CNTNAP4: variants seen among roughly 807,000 people sequenced by gnomAD.
The protein encoded by CNTNAP4 is contactin associated protein family member 4.
In CNTNAP4, 98 loss-of-function variants were observed where a neutral mutation model predicts 148.4. That is an observed-to-expected ratio of 0.66 (90% CI 0.56 to 0.78). The LOEUF (loss-of-function observed/expected upper bound fraction) is 0.78, where lower values mean the gene tolerates loss of function less well. Ranked by LOEUF, CNTNAP4 falls within the 30% of genes least tolerant of loss-of-function variation. CNTNAP4 has a pLI of 0.00. For synonymous variants in CNTNAP4, 730 were observed against 565.1 expected (o/e 1.29, Z -4.14); for missense variants, 1,935 against 1,565.6 (o/e 1.24, Z -3.98).
At chr16:76,372,012 G>A (rs2144634231) in intron 3 of CNTNAP4, among the ~76,000 whole-genome samples, 1 of 152,206 alleles carries the variant, frequency 6.6e-6, no homozygotes, top group Admixed American at 6.5e-5. Flanking sequence ...TATTTCCAGG[G>A]AGTCTCTGCA....
At chr16:76,395,270 CT>C (rs35763868) in intron 3 of CNTNAP4, among the ~76,000 whole-genome samples, 147 of 145,332 alleles carry the variant, frequency 1.0e-3, no homozygotes, top group African/African-American at 1.3e-3. Flanking sequence ...GCCAAAGATT[CT>C]TTTTTTTTTT....
chr16:76,350,205 G>T (rs1000730738), intron 2 of CNTNAP4, among the ~76,000 whole-genome samples: 1 of 152,046 alleles, frequency 6.6e-6, no homozygotes, highest in African/African-American at 2.4e-5. Flanking sequence ...CAGGGGTAAA[G>T]AATGAAAAAT....
intron 3 of CNTNAP4, among the ~76,000 whole-genome samples, chr16:76,380,664 T>A (rs982760288): frequency 6.6e-6 from 1 of 152,218 alleles, no homozygotes; most frequent in Non-Finnish European, 1.5e-5. Context: ...TTTTTTTATT[T>A]GTAAGTAGCG....
chr16:76,315,530 T>A (rs1401420881), intron 1 of CNTNAP4, among the ~76,000 whole-genome samples: 1 of 152,216 alleles, frequency 6.6e-6, no homozygotes, highest in Non-Finnish European at 1.5e-5. Flanking sequence ...TAGTATCCTT[T>A]TGTAGTCCCA....
intron 3 of CNTNAP4, among the ~76,000 whole-genome samples, chr16:76,417,812 G>C (rs996139739): frequency 5.9e-5 from 9 of 151,530 alleles, no homozygotes; most frequent in Non-Finnish European, 1.3e-4. Context: ...CTCAGTTTTT[G>C]TTTGCCTGAG....
At chr16:76,309,854 C>T (rs1193748391) in intron 1 of CNTNAP4, 3 of 701,086 alleles carry the variant, frequency 4.3e-6, no homozygotes, top group African/African-American at 3.5e-5. Flanking sequence ...GCTGCTTCCT[C>T]ATTTTCTCTT....
intron 10 of CNTNAP4, among the ~76,000 whole-genome samples, chr16:76,470,412 G>A (rs200780947): frequency 2.0e-5 from 3 of 149,498 alleles, no homozygotes; most frequent in East Asian, 2.0e-4. Flanking sequence ...AGGCCAAGAC[G>A]GGTGGATCAC....
At chr16:76,411,234 G>A (rs758480090) in intron 3 of CNTNAP4, among the ~76,000 whole-genome samples, 3 of 151,256 alleles carry the variant, frequency 2.0e-5, no homozygotes, top group Non-Finnish European at 4.4e-5. Flanking sequence ...AGAAATGTTG[G>A]TTGATTGCGA....
chr16:76,527,799 C>A (rs1404789527), intron 17 of CNTNAP4, among the ~76,000 whole-genome samples: 3 of 152,152 alleles, frequency 2.0e-5, no homozygotes, highest in Admixed American at 2.0e-4. Flanking sequence ...ATTACAGTAA[C>A]CTTTTTACTA....
chr16:76,307,539 T>TATATATAC (rs558814796), intron 1 of CNTNAP4, among the ~76,000 whole-genome samples: 7,124 of 118,576 alleles, frequency 0.06, 775 homozygotes, highest in East Asian at 0.14. Flanking sequence ...TATATATATA[T>TATATATAC]ACCAAACTCC....
At chr16:76,371,145 AG>A (rs1458063126) in intron 3 of CNTNAP4, among the ~76,000 whole-genome samples, 1 of 152,228 alleles carries the variant, frequency 6.6e-6, no homozygotes, top group Non-Finnish European at 1.5e-5. Context: ...TTCAAAACAT[AG>A]ATTTGCTTTC....
intron 15 of CNTNAP4, among the ~76,000 whole-genome samples, chr16:76,520,095 A>C (rs2083398502): frequency 6.6e-6 from 1 of 152,132 alleles, no homozygotes; most frequent in South Asian, 2.1e-4. Flanking sequence ...CCATGTAGGT[A>C]ATGTGTGTAG....
At chr16:76,435,352 A>G (rs2079784519) in intron 4 of CNTNAP4, among the ~76,000 whole-genome samples, 1 of 152,178 alleles carries the variant, frequency 6.6e-6, no homozygotes, top group Admixed American at 6.5e-5. Flanking sequence ...CCAGAGCTCT[A>G]TACAAGTCAG....
chr16:76,353,358 T>C (rs1038602319), intron 2 of CNTNAP4, among the ~76,000 whole-genome samples: 1 of 152,218 alleles, frequency 6.6e-6, no homozygotes, highest in Non-Finnish European at 1.5e-5. Flanking sequence ...TTAAAAAGAA[T>C]TTCAACTTAC....
chr16:76,384,574 G>T (rs2144723255), intron 3 of CNTNAP4, among the ~76,000 whole-genome samples: 1 of 152,250 alleles, frequency 6.6e-6, no homozygotes, highest in African/African-American at 2.4e-5. Context: ...CACTTGGAGA[G>T]TGTGGGATGG....
chr16:76,411,766 A>G (rs984422790), intron 3 of CNTNAP4, among the ~76,000 whole-genome samples: 3 of 151,526 alleles, frequency 2.0e-5, no homozygotes, highest in South Asian at 2.1e-4. Flanking sequence ...CCAAGGACCT[A>G]TTTCTTTTTC....
chr16:76,344,886 AT>A (rs1964777791), intron 2 of CNTNAP4, among the ~76,000 whole-genome samples: 1 of 152,204 alleles, frequency 6.6e-6, no homozygotes, highest in Non-Finnish European at 1.5e-5. Flanking sequence ...ATGTACTCAT[AT>A]GATGTCATGG....
chr16:76,496,084 G>GT lies in CNTNAP4; in HGVS notation c.2237+1020dup, dbSNP rs1450462999. ...GTTATATCATAAACATCAAGATTAT[G>GT]TTGTGTGTGTGTGTGTGTGTGTGCG... On this transcript the variant is annotated intron_variant, in intron 14 of 23. Coordinates refer to ENST00000611870, the MANE Select transcript of CNTNAP4 (RefSeq NM_033401.5). 1.4e-4 allele frequency among the ~76,000 whole-genome samples: 5 copies of GT among 34,710 alleles called. No homozygotes were observed. In the South Asian group the frequency reaches 4.3e-3, roughly 30 times the overall value. 22.8% of individuals were successfully genotyped at this position (34,710 alleles called of 152,430 possible). A position where few individuals can be genotyped will look rare whatever the true frequency, so the allele number is the denominator to read the frequency against.
chr16:76,382,100 C>T (rs13335546), intron 3 of CNTNAP4, among the ~76,000 whole-genome samples: 2 of 146,014 alleles, frequency 1.4e-5, no homozygotes, highest in Non-Finnish European at 3.0e-5. Context: ...AGAAAGTTAC[C>T]TTTATGATAA....
Sources: gnomAD v4.1 joint callset for allele counts (sites outside exome capture counted in the v4.1 genomes callset) on GRCh38, gnomAD v4.1.1 for gene constraint, MANE v1.5 for transcripts, NCBI Gene and HGNC (gene_info 2026-07-23, HGNC 2026-07-21) for gene names.